The following ADAMTS19 variants were observed in gnomAD, a reference collection of about 807,000 sequenced individuals.
ADAMTS19 encodes ADAM metallopeptidase with thrombospondin type 1 motif 19, also known as A disintegrin and metalloproteinase with thrombospondin motifs 19.
ADAMTS19 carries 93 observed loss-of-function variants against 153.3 expected under a neutral mutation model. The observed-to-expected ratio is 0.61, with a 90% confidence interval of 0.51 to 0.72. The LOEUF is 0.72. Ranked by LOEUF, ADAMTS19 falls within the 30% of genes least tolerant of loss-of-function variation. ADAMTS19 has a pLI of 0.00. For missense variants in ADAMTS19, 1,482 were observed against 1,552.1 expected, an observed-to-expected ratio of 0.95 and a Z score of 0.76; for synonymous variants, 600 against 556.6, an observed-to-expected ratio of 1.08 and a Z score of -1.10.
intron 17 of ADAMTS19, among the ~76,000 whole-genome samples, chr5:129,680,761 CAAA>C (rs529460608): frequency 0.23 from 20,604 of 90,674 alleles, 1,495 homozygotes; most frequent in East Asian, 0.4. Flanking sequence ...GACTCTGTCT[CAAA>C]AAAAAAAAAA....
intron 7 of ADAMTS19, among the ~76,000 whole-genome samples, chr5:129,583,718 T>C (rs949207928): frequency 2.4e-4 from 36 of 151,840 alleles, no homozygotes; most frequent in Non-Finnish European, 1.2e-4. Flanking sequence ...TTGATACTTG[T>C]GTATGCTTCA....
chr5:129,644,069 AT>A (rs201058523), intron 11 of ADAMTS19, among the ~76,000 whole-genome samples: 2,118 of 152,266 alleles, frequency 0.014, 36 homozygotes, highest in African/African-American at 0.042. Flanking sequence ...CCTTGTATAT[AT>A]AAACATAATT....
intron 16 of ADAMTS19, among the ~76,000 whole-genome samples, chr5:129,671,954 T>C (rs961773302): frequency 6.6e-6 from 1 of 152,186 alleles, no homozygotes; most frequent in African/African-American, 2.4e-5. Flanking sequence ...ACACTTTTTA[T>C]AATGTACCTG....
At chr5:129,658,313 G>GAAAGAAAGAAAGAA (rs1414211751) in intron 14 of ADAMTS19, among the ~76,000 whole-genome samples, 324 of 23,522 alleles carry the variant, frequency 0.014, 1 homozygote, top group African/African-American at 0.025. Context: ...GAAAGAAAAA[G>GAAAGAAAGAAAGAA]AAAGAAAGAA....
At chr5:129,653,382 A>T (rs1753401596) in intron 13 of ADAMTS19, among the ~76,000 whole-genome samples, 1 of 152,220 alleles carries the variant, frequency 6.6e-6, no homozygotes, top group Non-Finnish European at 1.5e-5. Flanking sequence ...GCTCCTCTGT[A>T]GGAGGCTTAG....
intron 19 of ADAMTS19, among the ~76,000 whole-genome samples, chr5:129,697,337 G>A (rs1755606232): frequency 6.6e-6 from 1 of 152,122 alleles, no homozygotes; most frequent in African/African-American, 2.4e-5. Flanking sequence ...TGAGAGAGGA[G>A]GGTCCATTCA....
chr5:129,658,351 A>AGAGAGAGAG (rs1554103337), intron 14 of ADAMTS19, among the ~76,000 whole-genome samples: 1 of 133,140 alleles, frequency 7.5e-6, no homozygotes, highest in East Asian at 2.0e-4. Context: ...GAAAGAAAGA[A>AGAGAGAGAG]AGAAAGAAAG....
intron 18 of ADAMTS19, chr5:129,688,233 A>G (rs541743197): frequency 6.6e-6 from 1 of 152,304 alleles, no homozygotes; most frequent in African/African-American, 2.4e-5. Context: ...AAAGCACAGA[A>G]TATTGGAAAC....
chr5:129,567,690 A>G (rs1241256466), intron 7 of ADAMTS19, among the ~76,000 whole-genome samples: 1 of 152,034 alleles, frequency 6.6e-6, no homozygotes, highest in Non-Finnish European at 1.5e-5. Flanking sequence ...AACAATACCA[A>G]CAGAGCCTCA....
chr5:129,662,887 C>CTTT (rs545012539), intron 15 of ADAMTS19, among the ~76,000 whole-genome samples: 15 of 125,422 alleles, frequency 1.2e-4, no homozygotes, highest in Admixed American at 1.6e-4. Context: ...GATTCTTCTT[C>CTTT]ATTTTTTTTT....
chr5:129,609,375 T>C (rs1306174148), intron 8 of ADAMTS19, among the ~76,000 whole-genome samples: 1 of 152,214 alleles, frequency 6.6e-6, no homozygotes, highest in Non-Finnish European at 1.5e-5. Flanking sequence ...GGCACAATGA[T>C]TGGCACAAAA....
chr5:129,665,899 T>C (rs1316243440), intron 16 of ADAMTS19, among the ~76,000 whole-genome samples: 1 of 147,918 alleles, frequency 6.8e-6, no homozygotes, highest in Admixed American at 6.8e-5. Context: ...TATATATATA[T>C]ATATTTCATA....
intron 2 of ADAMTS19, among the ~76,000 whole-genome samples, chr5:129,482,425 A>G (rs1195848814): frequency 1.3e-5 from 2 of 152,170 alleles, no homozygotes; most frequent in African/African-American, 4.8e-5. Context: ...TTGCTGTTCC[A>G]TATATTTTAT....
At chr5:129,587,327 C>T (rs1230456841) in intron 7 of ADAMTS19, among the ~76,000 whole-genome samples, 3 of 151,220 alleles carry the variant, frequency 2.0e-5, no homozygotes, top group South Asian at 2.1e-4. Context: ...AACTTTTACT[C>T]GATGTTCTTT....
chr5:129,566,268 AT>A (rs1753701579), intron 7 of ADAMTS19, among the ~76,000 whole-genome samples: 1 of 152,162 alleles, frequency 6.6e-6, no homozygotes, highest in Admixed American at 6.5e-5. Flanking sequence ...TTTGATTTGC[AT>A]CATAGAAAAA....
At chr5:129,662,240 G>T (rs1753845537) in intron 15 of ADAMTS19, among the ~76,000 whole-genome samples, 1 of 152,160 alleles carries the variant, frequency 6.6e-6, no homozygotes. Flanking sequence ...GATTAAAAAT[G>T]GGATCTCTGG....
Position 129,654,305 on chromosome 5 carries a change from G to T in ADAMTS19, c.2177-1G>T. The T allele has an allele frequency of 6.2e-7, 1 of 1,604,902 alleles. No individual in the cohort carries two copies. On this transcript the variant is annotated splice_acceptor_variant, in intron 13 of 22. Transcript: ENST00000274487. LOFTEE classifies it high-confidence loss of function. ...TTTCTTTTTATCTACTCTGTATGTA[G>T]AAAAACCATGTGCCTTGTTTTGCTC...
chr5:129,505,836 T>A (rs559696934), intron 2 of ADAMTS19, among the ~76,000 whole-genome samples: 7 of 152,304 alleles, frequency 4.6e-5, no homozygotes, highest in Non-Finnish European at 1.0e-4. Context: ...TACATCCAGA[T>A]ATTTACATGA....
At chr5:129,555,082 A>G (rs1429510801) in intron 7 of ADAMTS19, among the ~76,000 whole-genome samples, 2 of 152,076 alleles carry the variant, frequency 1.3e-5, no homozygotes, top group African/African-American at 4.8e-5. Context: ...TCTATAACCG[A>G]TGTGAAGTCA....
Sources: allele counts gnomAD v4.1 joint callset (sites outside exome capture counted in the v4.1 genomes callset), GRCh38; gene constraint gnomAD v4.1.1; transcripts MANE v1.5; gene names NCBI Gene and HGNC (gene_info 2026-07-23, HGNC 2026-07-21).